Variants in ABCC1 observed in about 807,000 individuals in gnomAD.
ABCC1 encodes ATP binding cassette subfamily C member 1 (ABCC1 blood group).
Under a neutral mutation model 172.9 loss-of-function variants are expected in ABCC1, and 83 were observed. That is an observed-to-expected ratio of 0.48 (90% CI 0.40 to 0.58). The LOEUF (loss-of-function observed/expected upper bound fraction) is 0.58. Among genes scored for constraint, ABCC1 ranks in the 20% least tolerant of loss-of-function variants. The probability of loss-of-function intolerance (pLI) is 0.00; values close to 1 mark genes in which losing one functional copy is unlikely to be tolerated. For missense variants in ABCC1, 1,817 were observed against 2,002.7 expected (o/e 0.91, Z 1.77); for synonymous variants, 937 against 825.2 (o/e 1.14, Z -2.32).
intron 19 of ABCC1, chr16:16,098,847 A>G (rs770003477): frequency 2.2e-6 from 3 of 1,351,996 alleles, no homozygotes; most frequent in Non-Finnish European, 2.0e-6. Context: ...CTTCTTAACA[A>G]TATCTTGGGT....
intron 4 of ABCC1, among the ~76,000 whole-genome samples, chr16:16,015,037 G>C (rs1967120): frequency 6.6e-6 from 1 of 151,844 alleles, no homozygotes; most frequent in Non-Finnish European, 1.5e-5. Context: ...GCTTGTCCTC[G>C]CGTTACCTTT....
chr16:16,018,205 T>C (rs1387987172), intron 5 of ABCC1, among the ~76,000 whole-genome samples: 2 of 152,128 alleles, frequency 1.3e-5, no homozygotes, highest in Non-Finnish European at 2.9e-5. Context: ...AAGGGCTTGG[T>C]GGGCATCAGT....
chr16:16,033,084 CA>C (rs762002192), intron 5 of ABCC1, 24 bp from the exon 6 acceptor site: 4 of 1,612,072 alleles, frequency 2.5e-6, no homozygotes, highest in Non-Finnish European at 3.4e-6. Context: ...CTCTTCCTCC[CA>C]AACCTGTGCT....
chr16:16,122,192 G>C lies in ABCC1; in HGVS notation c.3590+18G>C, dbSNP rs755731839. The C allele has an allele frequency of 7.4e-6, 12 of 1,613,444 alleles. No individual in the cohort carries two copies. The East Asian group carries it at 2.5e-4, about 33-fold the overall frequency. On this transcript the variant is annotated intron_variant, in intron 24 of 30. Coordinates refer to ENST00000399410, the MANE Select transcript of ABCC1 (RefSeq NM_004996.4). Reference sequence around the variant, plus strand: ...GCCAACAGGTGGGCATGGTGGGCCTGCAGGAGCGGGTGGAGGAGGCCGCCT... The same window carrying C: ...GCCAACAGGTGGGCATGGTGGGCCTCCAGGAGCGGGTGGAGGAGGCCGCCT...
At chr16:16,048,118 C>A (rs775673082) in intron 9 of ABCC1, 24 bp from the exon 10 acceptor site, 21 of 1,613,212 alleles carry the variant, frequency 1.3e-5, no homozygotes. Context: ...CACTCACCCA[C>A]CTTCCCTCTC....
At chr16:16,079,206 A>C in intron 15 of ABCC1, 146 bp from the exon 16 acceptor site, 15 of 1,162,582 alleles carry the variant, frequency 1.3e-5, no homozygotes, top group Non-Finnish European at 1.8e-5. Flanking sequence ...AATGGAAGGA[A>C]TGTTGAGGCC....
In ABCC1 at chr16:16,044,573, C is replaced by T. The variant is rs1183414804; in HGVS notation, c.933C>T (p.Pro311=). 2 of 1,614,058 alleles carry T rather than the reference C, an allele frequency of 1.2e-6. No homozygotes were observed. Among genetic ancestry groups the T allele is most frequent in the African/African-American group, 2.7e-5 (2 of 74,918 alleles). The change falls in exon 8 of 31, where the codon CCC becomes CCT. Residue 311 remains proline, a synonymous_variant. Transcript: ENST00000399410. ...IVKSPQKEWN[P]SLFKVLYKTF... The stretch of plus-strand genomic sequence containing the variant: ...AGTCCCCACAGAAGGAGTGGAACCC[C>T]TCTCTGTTTAAGGTGTTATACAAGA...
Position 16,122,186 on chromosome 16 carries a change from G to C in ABCC1, c.3590+12G>C, listed in dbSNP as rs781057737. On this transcript the variant is annotated intron_variant, in intron 24 of 30. Coordinates refer to ENST00000399410, the MANE Select transcript of ABCC1 (RefSeq NM_004996.4). The stretch of plus-strand genomic sequence containing the variant: ...ATCGTGGCCAACAGGTGGGCATGGT[G>C]GGCCTGCAGGAGCGGGTGGAGGAGG... 6.2e-7 allele frequency: 1 copy of C among 1,613,870 alleles called. No individual in the cohort carries two copies. The highest frequency in any genetic ancestry group is 8.5e-7 in the Non-Finnish European group (1 of 1,179,816).
At chr16:16,028,465 C>T (rs985379376) in intron 5 of ABCC1, among the ~76,000 whole-genome samples, 3 of 152,124 alleles carry the variant, frequency 2.0e-5, no homozygotes, top group African/African-American at 7.2e-5. Flanking sequence ...CCCCTTCCTC[C>T]TCTCTCTGCC....
intron 3 of ABCC1, among the ~76,000 whole-genome samples, chr16:16,014,197 G>C (rs755154335): frequency 3.9e-5 from 6 of 152,152 alleles, no homozygotes; most frequent in Non-Finnish European, 5.9e-5. Flanking sequence ...TGTAATCCCA[G>C]CACCTTGGGA....
At chr16:15,950,992 A>G (rs1052646038) in intron 1 of ABCC1, among the ~76,000 whole-genome samples, 2 of 152,056 alleles carry the variant, frequency 1.3e-5, no homozygotes, top group African/African-American at 4.8e-5. Context: ...TATATCTCCC[A>G]TTTTAAGCCA....
At chr16:16,016,240 G>A (rs538556036) in intron 4 of ABCC1, among the ~76,000 whole-genome samples, 2 of 131,446 alleles carry the variant, frequency 1.5e-5, no homozygotes, top group African/African-American at 5.6e-5. Context: ...TGCAGCCTCC[G>A]CCTCCTGGGT....
At chr16:16,123,778 A>AAGGC (rs529813600) in intron 24 of ABCC1, among the ~76,000 whole-genome samples, 53 of 152,304 alleles carry the variant, frequency 3.5e-4, no homozygotes, top group African/African-American at 1.2e-3. Flanking sequence ...TTGGGTGGCC[A>AAGGC]AGGCAGGCGG....
At chr16:15,992,225 T>C (rs910205505) in intron 1 of ABCC1, among the ~76,000 whole-genome samples, 2 of 148,622 alleles carry the variant, frequency 1.3e-5, no homozygotes, top group African/African-American at 5.0e-5. Flanking sequence ...GAAAACAAAC[T>C]CAGGGCTCCC....
chr16:16,004,481 C>G (rs899012597), intron 1 of ABCC1, among the ~76,000 whole-genome samples: 3 of 152,054 alleles, frequency 2.0e-5, no homozygotes, highest in Admixed American at 1.3e-4. Context: ...AGTATGAAAT[C>G]AATTAAAATA....
chr16:15,986,290 C>T (rs563601266), intron 1 of ABCC1, among the ~76,000 whole-genome samples: 39 of 152,050 alleles, frequency 2.6e-4, no homozygotes, highest in Non-Finnish European at 5.2e-4. Flanking sequence ...CCTTATAATT[C>T]CCTGTGATTA....
chr16:16,125,767 G>A (rs761488158), intron 25 of ABCC1, 43 bp from the exon 26 acceptor site: 37 of 1,296,884 alleles, frequency 2.9e-5, no homozygotes, highest in Middle Eastern at 1.9e-4. Flanking sequence ...AGTCAAGTAC[G>A]CCCGCTTACT....
chr16:16,079,874 C>T (rs1017168904), intron 16 of ABCC1, among the ~76,000 whole-genome samples: 6 of 150,216 alleles, frequency 4.0e-5, no homozygotes, highest in Admixed American at 1.3e-4. Flanking sequence ...AGTGAAGTGG[C>T]GTGATCTCGG....
chr16:16,021,576 G>C (rs144124747), intron 5 of ABCC1, among the ~76,000 whole-genome samples: 7 of 152,254 alleles, frequency 4.6e-5, no homozygotes, highest in African/African-American at 1.4e-4. Context: ...AATTAGCTGG[G>C]CATGGTGTTG....
Sources: allele counts gnomAD v4.1 joint callset (sites outside exome capture counted in the v4.1 genomes callset), GRCh38; gene constraint gnomAD v4.1.1; transcripts MANE v1.5; gene names NCBI Gene and HGNC (gene_info 2026-07-23, HGNC 2026-07-21).